ENTPD6: variants seen among roughly 807,000 people sequenced by gnomAD.
ENTPD6 encodes the protein CD39 antigen-like 2.
Under a neutral mutation model 61.5 loss-of-function variants are expected in ENTPD6, and 46 were observed. The ratio of observed to expected loss-of-function variants is 0.75; its 90% confidence interval spans 0.59 to 0.96. The LOEUF is 0.96. Among genes scored for constraint, ENTPD6 ranks in the 40% least tolerant of loss-of-function variants. ENTPD6 has a pLI of 0.00. For synonymous variants in ENTPD6, 252 were observed against 255.5 expected (o/e 0.99, Z 0.13); for missense variants, 612 against 629.0 (o/e 0.97, Z 0.29).
At chr20:25,219,465 T>C (rs2092528923) in intron 10 of ENTPD6, among the ~76,000 whole-genome samples, 2 of 152,228 alleles carry the variant, frequency 1.3e-5, no homozygotes, top group African/African-American at 2.4e-5. Context: ...TCCTGAGACA[T>C]GGAGTTGACC....
intron 10 of ENTPD6, among the ~76,000 whole-genome samples, chr20:25,220,457 G>A (rs1403860593): frequency 6.6e-6 from 1 of 152,026 alleles, no homozygotes. Context: ...CCCTGCTGGG[G>A]TCCTGGGGGT....
chr20:25,223,385 A>G (rs192093049), intron 12 of ENTPD6, among the ~76,000 whole-genome samples: 1 of 152,298 alleles, frequency 6.6e-6, no homozygotes, highest in Non-Finnish European at 1.5e-5. Context: ...CTCACCCTGC[A>G]CAGCCCAGGA....
At chr20:25,206,065 A>G (rs527684088) in intron 1 of ENTPD6, among the ~76,000 whole-genome samples, 1 of 152,348 alleles carries the variant, frequency 6.6e-6, no homozygotes, top group African/African-American at 2.4e-5. Flanking sequence ...CTTTCCCTGC[A>G]GCCTGTTCTG....
rs6115092 is a variant in ENTPD6, at chr20:25,226,739, C to T, written c.*1142C>T. 16,074 of 152,406 alleles carry T rather than the reference C, an allele frequency of 0.11. 913 individuals are homozygous for T. The highest frequency in any genetic ancestry group is 0.12 in the African/African-American group (5,034 of 41,568). 9.4% of individuals were successfully genotyped at this position (152,406 alleles called of 1,614,324 possible). On this transcript the variant is annotated 3_prime_UTR_variant, in exon 15 of 15. Transcript: ENST00000376652. ...GCTTCTCCTTCTCTGGGATTCCTCT[C>T]GTTGAGCGACAGTAGCATTTGCCCA...
intron 8 of ENTPD6, 122 bp downstream of exon 8, chr20:25,216,858 T>C (rs528360319): frequency 1.5e-6 from 1 of 674,770 alleles, no homozygotes; most frequent in East Asian, 2.8e-5. Context: ...GCCAGGTCTC[T>C]GGACCCCTGC....
chr20:25,221,082 C>T (rs1892507489), intron 10 of ENTPD6, 150 bp from the exon 11 acceptor site: 1 of 620,782 alleles, frequency 1.6e-6, no homozygotes, highest in Non-Finnish European at 2.9e-6. Context: ...CTGCCACTTC[C>T]CAGGGAGGTG....
At chr20:25,200,700 C>G (rs1323556007) in intron 1 of ENTPD6, among the ~76,000 whole-genome samples, 2 of 152,178 alleles carry the variant, frequency 1.3e-5, no homozygotes, top group Non-Finnish European at 2.9e-5. Context: ...GTCAGTCTAG[C>G]TAAAGGTTTG....
intron 14 of ENTPD6, 59 bp downstream of exon 14, chr20:25,225,376 C>A (rs2092770731): frequency 1.3e-6 from 2 of 1,598,146 alleles, no homozygotes; most frequent in East Asian, 4.5e-5. Flanking sequence ...CCTAGAACCA[C>A]TTCTCCAGTT....
intron 4 of ENTPD6, among the ~76,000 whole-genome samples, chr20:25,211,478 C>G (rs1165357889): frequency 1.3e-5 from 2 of 152,202 alleles, no homozygotes; most frequent in African/African-American, 4.8e-5. Flanking sequence ...TCTTAGCATC[C>G]TTTGAGGCTG....
chr20:25,199,890 G>A (rs1307961441), intron 1 of ENTPD6, among the ~76,000 whole-genome samples: 1 of 152,166 alleles, frequency 6.6e-6, no homozygotes, highest in African/African-American at 2.4e-5. Flanking sequence ...TCCATCTGTC[G>A]ATGGATGTTT....
chr20:25,216,402 C>G (rs549761071), intron 7 of ENTPD6, among the ~76,000 whole-genome samples: 10 of 152,168 alleles, frequency 6.6e-5, no homozygotes, highest in African/African-American at 1.9e-4. Context: ...CCAGCTGATA[C>G]GGCAGTTTCA....
chr20:25,203,593 G>T (rs2091219081), intron 1 of ENTPD6, among the ~76,000 whole-genome samples: 1 of 152,146 alleles, frequency 6.6e-6, no homozygotes, highest in Admixed American at 6.5e-5. Context: ...ATTTCTGTTT[G>T]ATTCCTTTTT....
intron 4 of ENTPD6, among the ~76,000 whole-genome samples, chr20:25,211,695 T>C (rs6050439): frequency 0.55 from 83,219 of 152,086 alleles, 23,809 homozygotes; most frequent in East Asian, 0.92. Flanking sequence ...GAACCAGTCC[T>C]CTTCTGAAGG....
intron 3 of ENTPD6, among the ~76,000 whole-genome samples, chr20:25,209,342 C>A (rs2091782161): frequency 6.6e-6 from 1 of 151,674 alleles, no homozygotes; most frequent in African/African-American, 2.4e-5. Flanking sequence ...GAACTCCTGA[C>A]CTCGTGATCT....
At chr20:25,199,055 C>G (rs550439431) in intron 1 of ENTPD6, among the ~76,000 whole-genome samples, 1 of 152,312 alleles carries the variant, frequency 6.6e-6, no homozygotes, top group African/African-American at 2.4e-5. Context: ...CACTGCTGAG[C>G]CATCAGCAGA....
intron 9 of ENTPD6, 91 bp from the exon 10 acceptor site, chr20:25,218,459 C>T: frequency 8.2e-7 from 1 of 1,215,618 alleles, no homozygotes; most frequent in Non-Finnish European, 1.2e-6. Flanking sequence ...GCAAGCTCCC[C>T]CTTCCCCACT....
In ENTPD6 at chr20:25,226,289, C is replaced by T. The variant is rs2092793567; in HGVS notation, c.*692C>T. ...GGAGTCTCCCAGCATGGGCGGATGC[C>T]GGGCATGAGCTGCTGTAAACTATTT... is the stretch of plus-strand genomic sequence containing the variant. On this transcript the variant is annotated 3_prime_UTR_variant, in exon 15 of 15. Coordinates refer to ENST00000376652, the MANE Select transcript of ENTPD6 (RefSeq NM_001247.5). 6.5e-6 allele frequency: 1 copy of T among 152,732 alleles called. No individual in the cohort carries two copies. The highest frequency in any genetic ancestry group is 2.4e-5 in the African/African-American group (1 of 41,466). The allele number at this position is 152,732 out of a possible 1,614,324, so 9.5% of individuals were successfully genotyped here.
rs1600629898 is a variant in ENTPD6 at position 25,216,612 on chromosome 20, A to AT, written c.710-36_710-35insT. 1.7e-5 allele frequency: 25 copies of AT among 1,511,898 alleles called. No individual in the cohort carries two copies. In the East Asian group the frequency reaches 5.9e-4, roughly 36 times the overall value. 93.7% of individuals were successfully genotyped at this position (1,511,898 alleles called of 1,614,324 possible). A position where few individuals can be genotyped will look rare whatever the true frequency, so the allele number is the denominator to read the frequency against. The stretch of plus-strand genomic sequence containing the variant: ...TTTCTGCTGTTCTCGCGATCTTACT[A>AT]ATGCCCCTGTGCTGTTTTTGCTTGC... On this transcript the variant is annotated intron_variant, in intron 7 of 14. Coordinates refer to ENST00000376652, the MANE Select transcript of ENTPD6 (RefSeq NM_001247.5).
intron 12 of ENTPD6, 184 bp from the exon 13 acceptor site, chr20:25,223,916 CA>C: frequency 2.1e-6 from 1 of 484,420 alleles, no homozygotes; most frequent in East Asian, 3.4e-5. Flanking sequence ...AAACCCACCC[CA>C]CACCACATCA....
Sources: gnomAD v4.1 joint callset for allele counts (sites outside exome capture counted in the v4.1 genomes callset) on GRCh38, gnomAD v4.1.1 for gene constraint, MANE v1.5 for transcripts, NCBI Gene and HGNC (gene_info 2026-07-23, HGNC 2026-07-21) for gene names.